The following HS6ST3 variants were observed in gnomAD, a reference collection of about 807,000 sequenced individuals.
The protein encoded by HS6ST3 is heparan-sulfate 6-O-sulfotransferase 3.
In HS6ST3, 12 loss-of-function variants were observed where a neutral mutation model predicts 36.7. The ratio of observed to expected loss-of-function variants is 0.33; its 90% CI spans 0.21 to 0.53. HS6ST3 has a LOEUF of 0.53. Among genes scored for constraint, HS6ST3 ranks in the 20% least tolerant of loss-of-function variants. The pLI is 0.95. For missense variants in HS6ST3, 584 were observed against 640.9 expected (o/e 0.91, Z 0.96); for synonymous variants, 240 against 257.5 (o/e 0.93, Z 0.65).
intron 1 of HS6ST3, among the ~76,000 whole-genome samples, chr13:96,456,593 A>G (rs1289402495): frequency 2.0e-5 from 3 of 152,118 alleles, no homozygotes; most frequent in Non-Finnish European, 4.4e-5. Flanking sequence ...ATGGCCTTAG[A>G]TTTTAAGTTC....
At chr13:96,738,071 C>T (rs903073300) in intron 1 of HS6ST3, among the ~76,000 whole-genome samples, 2 of 152,160 alleles carry the variant, frequency 1.3e-5, no homozygotes, top group South Asian at 2.1e-4. Context: ...GTCACAGGTT[C>T]TGTGGATTAG....
chr13:96,665,812 G>T (rs2056662218), intron 1 of HS6ST3, among the ~76,000 whole-genome samples: 1 of 152,092 alleles, frequency 6.6e-6, no homozygotes, highest in Non-Finnish European at 1.5e-5. Context: ...TTTAAGTCTT[G>T]TTATTACTCA....
chr13:96,514,221 C>T (rs1478040279), intron 1 of HS6ST3, among the ~76,000 whole-genome samples: 2 of 151,976 alleles, frequency 1.3e-5, no homozygotes, highest in African/African-American at 4.8e-5. Context: ...GTGATACCAG[C>T]GTGCAGTAGG....
chr13:96,796,020 C>T (rs1449751922), intron 1 of HS6ST3, among the ~76,000 whole-genome samples: 1 of 152,080 alleles, frequency 6.6e-6, no homozygotes, highest in Non-Finnish European at 1.5e-5. Flanking sequence ...GCCCAAACTG[C>T]CATCATCATA....
At chr13:96,385,933 T>C (rs766529904) in intron 1 of HS6ST3, among the ~76,000 whole-genome samples, 1 of 152,190 alleles carries the variant, frequency 6.6e-6, no homozygotes, top group Non-Finnish European at 1.5e-5. Flanking sequence ...AGGCCTGGGC[T>C]CTTACTATGT....
At chr13:96,355,358 T>TAC (rs66509801) in intron 1 of HS6ST3, among the ~76,000 whole-genome samples, 7,023 of 140,370 alleles carry the variant, frequency 0.05, 154 homozygotes, top group African/African-American at 0.073. Flanking sequence ...AGTCTATAGT[T>TAC]ACACACACAC....
At position 96,325,190 on chromosome 13, in the gene HS6ST3, G is replaced by A. The variant is rs562598526; in HGVS notation, c.707+233621G>A. Among the ~76,000 whole-genome samples, 28 of 152,080 alleles carry A rather than the reference G, an allele frequency of 1.8e-4. No homozygotes were observed. The South Asian group carries it at 5.6e-3, about 30-fold the overall frequency. On this transcript the variant is annotated intron_variant, in intron 1 of 1. Coordinates refer to ENST00000376705, the MANE Select transcript of HS6ST3 (RefSeq NM_153456.4). ...TACAAATAGAATGAAAGATCATATT[G>A]TATTATTTAATGCTATACTTTTAGA...
intron 1 of HS6ST3, among the ~76,000 whole-genome samples, chr13:96,714,582 G>A (rs1223708512): frequency 6.6e-6 from 1 of 152,148 alleles, no homozygotes; most frequent in African/African-American, 2.4e-5. Flanking sequence ...GATTGATTTG[G>A]CATGATATAC....
chr13:96,483,982 T>C (rs2055901834), intron 1 of HS6ST3, among the ~76,000 whole-genome samples: 2 of 152,212 alleles, frequency 1.3e-5, no homozygotes, highest in Non-Finnish European at 2.9e-5. Flanking sequence ...AGTTGTTTCA[T>C]TACTGCTTGT....
chr13:96,267,396 TTAAATC>T lies in HS6ST3; in HGVS notation c.707+175833_707+175838del, dbSNP rs571100760. Reference sequence around the variant, plus strand: ...TTAACCATTCTAAATCTTTTAGAATTTAAATCTAAATTCTAATTCTAATTTAACCAT... The same window carrying T: ...TTAACCATTCTAAATCTTTTAGAATTTAAATTCTAATTCTAATTTAACCAT... On this transcript the variant is annotated intron_variant, in intron 1 of 1. Transcript: ENST00000376705. Among the ~76,000 whole-genome samples the T allele has an allele frequency of 3.0e-4, 46 of 152,308 alleles. No homozygotes were observed. The East Asian group carries it at 6.8e-3, about 22-fold the overall frequency.
chr13:96,108,256 A>G (rs1410518745), intron 1 of HS6ST3, among the ~76,000 whole-genome samples: 1 of 152,190 alleles, frequency 6.6e-6, no homozygotes, highest in African/African-American at 2.4e-5. Flanking sequence ...AACACACCCT[A>G]GTCTCCTGTA....
chr13:96,305,036 T>C, intron 1 of HS6ST3, among the ~76,000 whole-genome samples: 1 of 152,072 alleles, frequency 6.6e-6, no homozygotes, highest in African/African-American at 2.4e-5. Flanking sequence ...GAGCTTTCTG[T>C]ATTTACATCC....
intron 1 of HS6ST3, among the ~76,000 whole-genome samples, chr13:96,611,786 G>T (rs556446231): frequency 6.6e-6 from 1 of 152,274 alleles, no homozygotes; most frequent in South Asian, 2.1e-4. Context: ...GTCAAGCTTG[G>T]CTCAGGCAGA....
chr13:96,152,011 G>C (rs962091295), intron 1 of HS6ST3, among the ~76,000 whole-genome samples: 2 of 152,170 alleles, frequency 1.3e-5, no homozygotes, highest in East Asian at 3.8e-4. Flanking sequence ...GATACTAGGG[G>C]TTAGGACTTC....
At chr13:96,319,725 T>C (rs2054994452) in intron 1 of HS6ST3, among the ~76,000 whole-genome samples, 1 of 152,232 alleles carries the variant, frequency 6.6e-6, no homozygotes, top group Non-Finnish European at 1.5e-5. Context: ...ATGTTAACAC[T>C]AGAAGCAATA....
chr13:96,416,063 T>G (rs932095164), intron 1 of HS6ST3, among the ~76,000 whole-genome samples: 13 of 152,382 alleles, frequency 8.5e-5, no homozygotes, highest in Middle Eastern at 6.8e-3. Flanking sequence ...CACAGCCTGC[T>G]GTTTCTGCTA....
intron 1 of HS6ST3, among the ~76,000 whole-genome samples, chr13:96,179,482 A>G (rs1197175611): frequency 3.3e-5 from 5 of 152,184 alleles, no homozygotes; most frequent in Admixed American, 1.3e-4. Context: ...TCCATTCACC[A>G]TGTATTTATC....
chr13:96,229,781 AC>A (rs151036403), intron 1 of HS6ST3, among the ~76,000 whole-genome samples: 32 of 150,944 alleles, frequency 2.1e-4, no homozygotes, highest in African/African-American at 5.1e-4. Flanking sequence ...TCAGGGGGAG[AC>A]CCCCCCCTTT....
At chr13:96,286,961 T>C (rs902840008) in intron 1 of HS6ST3, among the ~76,000 whole-genome samples, 4 of 152,106 alleles carry the variant, frequency 2.6e-5, no homozygotes, top group Non-Finnish European at 5.9e-5. Context: ...CGTGTGTGTG[T>C]GTGTCCAGGC....
Sources: allele counts gnomAD v4.1 joint callset (sites outside exome capture counted in the v4.1 genomes callset), GRCh38; gene constraint gnomAD v4.1.1; transcripts MANE v1.5; gene names NCBI Gene and HGNC (gene_info 2026-07-23, HGNC 2026-07-21).